SLC14A2: variants seen among roughly 807,000 people sequenced by gnomAD.
SLC14A2 encodes urea transporter 2.
A neutral mutation model predicts 104.6 loss-of-function variants in SLC14A2; 91 were observed. The observed-to-expected ratio is 0.87, with a 90% CI of 0.73 to 1.04. The LOEUF (loss-of-function observed/expected upper bound fraction) is 1.04, where lower values mean the gene tolerates loss of function less well. SLC14A2 is among the 50% of genes least tolerant of loss of function. SLC14A2 has a pLI of 0.00. For synonymous variants in SLC14A2, 476 were observed against 466.4 expected, an observed-to-expected ratio of 1.02 and a Z score of -0.27; for missense variants, 1,189 against 1,156.0, an observed-to-expected ratio of 1.03 and a Z score of -0.41.
At chr18:45,512,269 C>T (rs2043376381) in intron 2 of SLC14A2, among the ~76,000 whole-genome samples, 1 of 152,046 alleles carries the variant, frequency 6.6e-6, no homozygotes, top group Non-Finnish European at 1.5e-5. Context: ...AGTTCTTGTC[C>T]TCTTCAGATA....
the SLC14A2 span, among the ~76,000 whole-genome samples, chr18:45,178,908 T>C: frequency 2.0e-5 from 3 of 152,216 alleles, no homozygotes; most frequent in Non-Finnish European, 4.4e-5. Context: ...ATCATGTAGA[T>C]GGAAGGTGTT....
chr18:45,575,247 AT>A (rs554457008), intron 2 of SLC14A2, among the ~76,000 whole-genome samples: 211 of 152,156 alleles, frequency 1.4e-3, no homozygotes, highest in Non-Finnish European at 1.9e-3. Context: ...GTGAGTCTGG[AT>A]TTCACTACCA....
At chr18:45,670,099 T>A (rs2046104085) in intron 16 of SLC14A2, among the ~76,000 whole-genome samples, 1 of 152,128 alleles carries the variant, frequency 6.6e-6, no homozygotes, top group African/African-American at 2.4e-5. Context: ...CTGCACTCCA[T>A]GAGACTCTAT....
chr18:45,636,140 A>C (rs1293480671), intron 5 of SLC14A2, among the ~76,000 whole-genome samples: 1 of 152,200 alleles, frequency 6.6e-6, no homozygotes, highest in Non-Finnish European at 1.5e-5. Context: ...CTGGTGAGGG[A>C]TGTGTAGGAG....
chr18:45,586,652 C>G (rs11872579), intron 2 of SLC14A2, among the ~76,000 whole-genome samples: 1 of 152,068 alleles, frequency 6.6e-6, no homozygotes, highest in Non-Finnish European at 1.5e-5. Flanking sequence ...CGTGCCCCAG[C>G]GTACTGCAAG....
intron 1 of SLC14A2, among the ~76,000 whole-genome samples, chr18:45,464,434 T>C (rs188851914): frequency 6.6e-6 from 1 of 152,194 alleles, no homozygotes. Context: ...TCCCACCTGG[T>C]ACCTAGCGTA....
At chr18:45,499,074 C>T (rs2043148676) in intron 2 of SLC14A2, among the ~76,000 whole-genome samples, 1 of 152,170 alleles carries the variant, frequency 6.6e-6, no homozygotes, top group African/African-American at 2.4e-5. Context: ...TTCTCATTTT[C>T]TTCCCAGTCC....
intron 1 of SLC14A2, among the ~76,000 whole-genome samples, chr18:45,436,207 T>C (rs956986327): frequency 1.2e-4 from 19 of 152,344 alleles, no homozygotes; most frequent in African/African-American, 4.6e-4. Flanking sequence ...ACGTTGTTTA[T>C]GTTAAAAAGA....
the SLC14A2 span, among the ~76,000 whole-genome samples, chr18:45,178,300 A>G: frequency 6.6e-6 from 1 of 152,234 alleles, no homozygotes; most frequent in Non-Finnish European, 1.5e-5. Flanking sequence ...ACTAGAATTC[A>G]GTCTACATAA....
At chr18:45,367,786 T>C (rs145640282) in intron 1 of SLC14A2, among the ~76,000 whole-genome samples, 330 of 152,290 alleles carry the variant, frequency 2.2e-3, no homozygotes, top group African/African-American at 7.8e-3. Context: ...GTAAGTTTTC[T>C]TCCTTCCCAG....
At chr18:45,336,745 T>C (rs1251285962) in intron 1 of SLC14A2, among the ~76,000 whole-genome samples, 1 of 152,160 alleles carries the variant, frequency 6.6e-6, no homozygotes, top group East Asian at 1.9e-4. Context: ...CTATGATGGC[T>C]CCTAGTTTCA....
intron 1 of SLC14A2, among the ~76,000 whole-genome samples, chr18:45,442,952 A>G (rs1026405268): frequency 2.6e-5 from 4 of 152,148 alleles, no homozygotes; most frequent in African/African-American, 9.7e-5. Context: ...AAGCTTTTAG[A>G]CTGTGTCTAC....
At position 45,682,304 on chromosome 18, in the gene SLC14A2, GT is replaced by G; in HGVS notation, c.2563-13del. On this transcript the variant is annotated splice_polypyrimidine_tract_variant and intron_variant, in intron 19 of 19. Coordinates refer to ENST00000255226, the MANE Select transcript of SLC14A2 (RefSeq NM_007163.4). ...CCTGATGTGACCAAGGCTTATCTGT[GT>G]TCTTTCTCTCCAGTTTGGATTGCCG... is the stretch of plus-strand genomic sequence containing the variant. 1 of 1,613,334 alleles carries G rather than the reference GT, an allele frequency of 6.2e-7. No homozygotes were observed. Among genetic ancestry groups the G allele is most frequent in the African/African-American group, 1.3e-5 (1 of 75,010 alleles).
intron 19 of SLC14A2, among the ~76,000 whole-genome samples, chr18:45,680,066 T>C (rs1050113462): frequency 2.6e-5 from 4 of 152,194 alleles, no homozygotes; most frequent in African/African-American, 7.2e-5. Context: ...AGTGAGCCTC[T>C]ATGACAGGGT....
chr18:45,463,637 G>A (rs767928994), intron 1 of SLC14A2, among the ~76,000 whole-genome samples: 1 of 152,206 alleles, frequency 6.6e-6, no homozygotes, highest in Non-Finnish European at 1.5e-5. Flanking sequence ...GCATGCTTCC[G>A]TTTCTGGCTG....
rs59220968 is a variant in SLC14A2, at chr18:45,290,389, A to G, written c.-125+77198A>G. Among the ~76,000 whole-genome samples the G allele has an allele frequency of 8.0e-3, 1,224 of 152,300 alleles. 16 individuals carry two copies. Among genetic ancestry groups the G allele is most frequent in the African/African-American group, 0.028 (1,154 of 41,548 alleles). ...AACTAGATTTCTCCTGAGACTTCTT[A>G]GAGGCTTTATGTGACTAAGGTCTTT... On this transcript the variant is annotated intron_variant, in intron 1 of 20. Transcript: ENST00000586448.
intron 1 of SLC14A2, among the ~76,000 whole-genome samples, chr18:45,329,107 A>G (rs1599678999): frequency 6.6e-6 from 1 of 152,238 alleles, no homozygotes; most frequent in Non-Finnish European, 1.5e-5. Flanking sequence ...GGGAAAGGGA[A>G]AAGAAATGTT....
At chr18:45,473,072 T>C (rs1351534014) in intron 1 of SLC14A2, among the ~76,000 whole-genome samples, 1 of 152,144 alleles carries the variant, frequency 6.6e-6, no homozygotes, top group Admixed American at 6.6e-5. Flanking sequence ...AAGGAAGGGG[T>C]CCAGGTTCAG....
intron 2 of SLC14A2, among the ~76,000 whole-genome samples, chr18:45,596,674 A>G (rs2044722263): frequency 6.6e-6 from 1 of 152,244 alleles, no homozygotes; most frequent in Admixed American, 6.5e-5. Flanking sequence ...TTTCTCAAGA[A>G]AGCTTTGGTG....
Sources: gnomAD v4.1 joint callset for allele counts (sites outside exome capture counted in the v4.1 genomes callset) on GRCh38, gnomAD v4.1.1 for gene constraint, MANE v1.5 for transcripts, NCBI Gene and HGNC (gene_info 2026-07-23, HGNC 2026-07-21) for gene names.